ANKRD31: variants seen among roughly 807,000 people sequenced by gnomAD.
ANKRD31 encodes ankyrin repeat domain 31.
Under a neutral mutation model 186.0 loss-of-function variants are expected in ANKRD31, and 147 were observed. That is an observed-to-expected ratio of 0.79 (90% CI 0.69 to 0.91). The LOEUF is 0.91. ANKRD31 is among the 40% of genes least tolerant of loss of function. The pLI is 0.00. For synonymous variants in ANKRD31, 673 were observed against 736.4 expected (o/e 0.91, Z 1.39); for missense variants, 1,986 against 2,148.8 (o/e 0.92, Z 1.50).
chr5:75,156,784 C>T (rs886820612), intron 11 of ANKRD31, among the ~76,000 whole-genome samples: 1 of 152,168 alleles, frequency 6.6e-6, no homozygotes, highest in Admixed American at 6.6e-5. Flanking sequence ...CTGAAAGAGG[C>T]AAGTAACAGA....
At chr5:75,148,246 C>G (rs572842051) in intron 13 of ANKRD31, among the ~76,000 whole-genome samples, 1 of 151,756 alleles carries the variant, frequency 6.6e-6, no homozygotes, top group African/African-American at 2.4e-5. Flanking sequence ...TAACTGCCCA[C>G]GATGTAAAGT....
intron 20 of ANKRD31, among the ~76,000 whole-genome samples, chr5:75,107,964 A>AT (rs778480338): frequency 6.6e-6 from 1 of 151,900 alleles, no homozygotes; most frequent in African/African-American, 2.4e-5. Context: ...AAATTATTTC[A>AT]TTTTTTTAAA....
chr5:75,130,061 T>A (rs28415624), intron 17 of ANKRD31, among the ~76,000 whole-genome samples: 2,224 of 152,174 alleles, frequency 0.015, 27 homozygotes, highest in South Asian at 0.049. Context: ...GTGTCCAGAG[T>A]TTGTTCCTTC....
chr5:75,119,713 A>T (rs1014911630), intron 17 of ANKRD31, among the ~76,000 whole-genome samples: 29 of 152,230 alleles, frequency 1.9e-4, no homozygotes, highest in East Asian at 7.7e-4. Flanking sequence ...TCCTACCAAC[A>T]GTGTACAAGT....
intron 11 of ANKRD31, among the ~76,000 whole-genome samples, chr5:75,161,739 C>T (rs1752583549): frequency 6.6e-6 from 1 of 152,204 alleles, no homozygotes; most frequent in African/African-American, 2.4e-5. Flanking sequence ...ATGCTGTGTA[C>T]AACCTAGGGA....
chr5:75,104,476 G>T lies in ANKRD31; in HGVS notation c.5083C>A (p.Gln1695Lys). 1 of 1,537,206 alleles carries T rather than the reference G, an allele frequency of 6.5e-7. No individual in the cohort carries two copies. The change falls in exon 22 of 26, where the codon CAA (glutamine) becomes AAA (lysine). Residue 1695 changes from glutamine to lysine, a missense_variant. Physicochemically the swap from Gln to Lys is moderately conservative, Grantham distance 53 (BLOSUM62 1). Transcript: ENST00000506364. ...PTGASESLAHQGIAVLGSDTV... is the reference protein window; with the variant it reads ...PTGASESLAHKGIAVLGSDTV... ...TCACTGCCTAAGACAGCAATCCCTT[G>T]ATGTGCCAGAGATTCTGATGCCCCT...
chr5:75,140,928 AG>A lies in ANKRD31; in HGVS notation c.3596-1946del, dbSNP rs762969360. Among the ~76,000 whole-genome samples, 86 of 152,316 alleles carry A rather than the reference AG, an allele frequency of 5.6e-4. No homozygotes were observed. The Middle Eastern group carries it at 0.014, about 24-fold the overall frequency. On this transcript the variant is annotated intron_variant, in intron 15 of 25. Transcript: ENST00000506364. ...TGCTGCCTACGAACAATTCTGTTAG[AG>A]GTCCCAACTAAGCCATGCCTGATTC...
At chr5:75,113,034 A>T (rs1747910236) in intron 19 of ANKRD31, among the ~76,000 whole-genome samples, 1 of 152,182 alleles carries the variant, frequency 6.6e-6, no homozygotes, top group Non-Finnish European at 1.5e-5. Flanking sequence ...TGCTCTCAAA[A>T]ATTCACAAAG....
chr5:75,211,667 AT>A (rs906663834), intron 3 of ANKRD31, among the ~76,000 whole-genome samples: 2 of 151,952 alleles, frequency 1.3e-5, no homozygotes, highest in East Asian at 1.9e-4. Context: ...TATTTTGGGT[AT>A]TTTTTTTAAA....
At chr5:75,198,109 C>T (rs1289782502) in intron 6 of ANKRD31, among the ~76,000 whole-genome samples, 3 of 152,132 alleles carry the variant, frequency 2.0e-5, no homozygotes, top group African/African-American at 7.2e-5. Flanking sequence ...TTAAAATCTG[C>T]CTAAATATAC....
intron 19 of ANKRD31, among the ~76,000 whole-genome samples, chr5:75,114,428 T>C (rs980223236): frequency 2.6e-5 from 4 of 152,196 alleles, no homozygotes; most frequent in East Asian, 3.8e-4. Flanking sequence ...GTTAACCACA[T>C]AGCATAACTT....
chr5:75,071,995 T>C (rs1744272381), intron 25 of ANKRD31, among the ~76,000 whole-genome samples: 1 of 152,204 alleles, frequency 6.6e-6, no homozygotes, highest in African/African-American at 2.4e-5. Flanking sequence ...ATAGCCAGCA[T>C]GACTCCAACC....
chr5:75,115,151 A>G (rs926243905), intron 19 of ANKRD31, among the ~76,000 whole-genome samples: 1 of 150,930 alleles, frequency 6.6e-6, no homozygotes, highest in Non-Finnish European at 1.5e-5. Flanking sequence ...AAAACAAGCA[A>G]TGGGGAAAGG....
At chr5:75,210,092 T>C (rs1756515226) in intron 4 of ANKRD31, among the ~76,000 whole-genome samples, 1 of 152,210 alleles carries the variant, frequency 6.6e-6, no homozygotes, top group Non-Finnish European at 1.5e-5. Flanking sequence ...TCACAGACCA[T>C]ACTTTGAGAA....
At chr5:75,159,473 T>C (rs1752427987) in intron 11 of ANKRD31, among the ~76,000 whole-genome samples, 1 of 151,958 alleles carries the variant, frequency 6.6e-6, no homozygotes, top group Non-Finnish European at 1.5e-5. Context: ...GATAAAATCA[T>C]GAAAGCAGCA....
chr5:75,179,801 C>T (rs973270481), intron 10 of ANKRD31, among the ~76,000 whole-genome samples: 1 of 152,138 alleles, frequency 6.6e-6, no homozygotes, highest in Non-Finnish European at 1.5e-5. Flanking sequence ...AAACTAGAAG[C>T]ATTCTCCTTG....
chr5:75,214,677 T>C (rs1756859892), intron 3 of ANKRD31, among the ~76,000 whole-genome samples: 1 of 152,190 alleles, frequency 6.6e-6, no homozygotes, highest in East Asian at 1.9e-4. Context: ...TTTAACTGAT[T>C]CTCTCTCTGA....
chr5:75,147,354 G>T lies in ANKRD31; in HGVS notation c.2057C>A (p.Pro686His). 1 of 1,531,680 alleles carries T rather than the reference G, an allele frequency of 6.5e-7. No homozygotes were observed. The highest frequency in any genetic ancestry group is 8.7e-7 in the Non-Finnish European group (1 of 1,144,716). The allele number at this position is 1,531,680 out of a possible 1,614,324, so 94.9% of individuals were successfully genotyped here. A position where few individuals can be genotyped will look rare whatever the true frequency, so the allele number is the denominator to read the frequency against. ...GGATTTACCAAATTTTGTGTTTTTG[G>T]GATCTTTTTGGTAATATTCATATAC... ...EDVYEYYQKD[P>H]KNTKFGKSKH... The change falls in exon 14 of 26, where the codon CCC becomes CAC. Residue 686 changes from proline (P) to histidine (H), a missense_variant. Physicochemically the swap from Pro to His is moderately conservative, Grantham distance 77. Transcript: ENST00000506364.
intron 15 of ANKRD31, among the ~76,000 whole-genome samples, chr5:75,139,294 T>A (rs975126736): frequency 3.3e-5 from 5 of 152,180 alleles, no homozygotes; most frequent in African/African-American, 1.2e-4. Context: ...ATGAATAATA[T>A]TTTTCTCAAG....
Sources: gnomAD v4.1 joint callset for allele counts (sites outside exome capture counted in the v4.1 genomes callset) on GRCh38, gnomAD v4.1.1 for gene constraint, MANE v1.5 for transcripts, NCBI Gene and HGNC (gene_info 2026-07-23, HGNC 2026-07-21) for gene names.